Variants in RNGTT observed in about 807,000 individuals in gnomAD.
RNGTT encodes mRNA-capping enzyme.
A neutral mutation model predicts 79.3 loss-of-function variants in RNGTT; 33 were observed. The observed-to-expected ratio is 0.42, with a 90% CI of 0.32 to 0.56. The LOEUF (loss-of-function observed/expected upper bound fraction) is 0.56, where lower values mean the gene tolerates loss of function less well. Among genes scored for constraint, RNGTT ranks in the 20% least tolerant of loss-of-function variants. RNGTT has a pLI of 0.17. For synonymous variants in RNGTT, 222 were observed against 235.9 expected (o/e 0.94, Z 0.54); for missense variants, 497 against 739.1 (o/e 0.67, Z 3.80).
intron 14 of RNGTT, among the ~76,000 whole-genome samples, chr6:88,629,766 T>C (rs1390540830): frequency 6.6e-6 from 1 of 152,180 alleles, no homozygotes; most frequent in Non-Finnish European, 1.5e-5. Flanking sequence ...AAATTAAGTC[T>C]GAGGATAATT....
rs563468955 is a variant in RNGTT, at chr6:88,875,486, A to G, written c.896+15009T>C. On this transcript the variant is annotated intron_variant, in intron 8 of 15. Transcript: ENST00000369485. ...AATTCATCTATTAGCATAAAACAGT[A>G]AAAATAACTATCAAAATATTGAAAA... Among the ~76,000 whole-genome samples the G allele has an allele frequency of 7.9e-5, 12 of 152,278 alleles. 1 individual carries two copies. In the South Asian group the frequency reaches 2.1e-3, roughly 26 times the overall value.
chr6:88,755,057 G>A (rs74463143), intron 13 of RNGTT, among the ~76,000 whole-genome samples: 2 of 152,172 alleles, frequency 1.3e-5, no homozygotes, highest in Non-Finnish European at 2.9e-5. Flanking sequence ...CTCCATGACC[G>A]AGCTGGTCTT....
intron 13 of RNGTT, among the ~76,000 whole-genome samples, chr6:88,735,508 G>T (rs1048414676): frequency 6.7e-6 from 1 of 148,184 alleles, no homozygotes; most frequent in Non-Finnish European, 1.5e-5. Context: ...ACAGAAAGAC[G>T]CTGGAAAATC....
intron 11 of RNGTT, among the ~76,000 whole-genome samples, chr6:88,837,091 T>C (rs576981820): frequency 4.6e-5 from 7 of 152,310 alleles, no homozygotes; most frequent in Middle Eastern, 3.4e-3. Context: ...GTAATTCCAA[T>C]GTTTTTATTA....
intron 8 of RNGTT, among the ~76,000 whole-genome samples, chr6:88,863,471 T>C (rs1489740570): frequency 6.6e-6 from 1 of 152,172 alleles, no homozygotes; most frequent in East Asian, 1.9e-4. Flanking sequence ...CAAGTAAATT[T>C]TGAAGACGTA....
At chr6:88,783,435 G>A (rs1276233960) in intron 12 of RNGTT, among the ~76,000 whole-genome samples, 1 of 152,020 alleles carries the variant, frequency 6.6e-6, no homozygotes, top group African/African-American at 2.4e-5. Context: ...AAAAATGGCA[G>A]GTAGACAGAG....
chr6:88,720,155 T>C (rs949031183), intron 13 of RNGTT, among the ~76,000 whole-genome samples: 1 of 152,204 alleles, frequency 6.6e-6, no homozygotes, highest in Non-Finnish European at 1.5e-5. Context: ...TAATATTTAA[T>C]GGTGCCATTA....
intron 11 of RNGTT, among the ~76,000 whole-genome samples, chr6:88,833,878 C>T (rs1213047231): frequency 6.6e-6 from 1 of 151,940 alleles, no homozygotes; most frequent in Non-Finnish European, 1.5e-5. Context: ...AAAAATTAGC[C>T]GGGTGTGGTG....
rs1047139033 is a variant in RNGTT at position 88,610,306 on chromosome 6, T to G, written c.*2413A>C. ...TCAGTAGTTTTATTACAATACGCAC[T>G]GACACACAATTGGAAAAGGAATGTC... is the stretch of plus-strand genomic sequence containing the variant. On this transcript the variant is annotated 3_prime_UTR_variant, in exon 16 of 16. Coordinates refer to ENST00000369485, the MANE Select transcript of RNGTT (RefSeq NM_003800.5). 6.6e-6 allele frequency: 1 copy of G among 152,662 alleles called. No homozygotes were observed. Among genetic ancestry groups the G allele is most frequent in the African/African-American group, 2.4e-5 (1 of 41,466 alleles). The allele number at this position is 152,662 out of a possible 1,614,324, so 9.5% of individuals were successfully genotyped here.
intron 9 of RNGTT, among the ~76,000 whole-genome samples, chr6:88,850,530 C>T (rs1037831374): frequency 6.6e-6 from 1 of 151,792 alleles, no homozygotes; most frequent in African/African-American, 2.4e-5. Context: ...CATATTCTTA[C>T]TAGGAAACCA....
intron 12 of RNGTT, among the ~76,000 whole-genome samples, chr6:88,799,499 T>A (rs147779522): frequency 1.3e-5 from 2 of 151,820 alleles, no homozygotes; most frequent in Admixed American, 6.6e-5. Context: ...AGGAGTTCAA[T>A]ACCAGCCTGG....
At chr6:88,654,025 T>C (rs776055736) in intron 14 of RNGTT, among the ~76,000 whole-genome samples, 9 of 152,220 alleles carry the variant, frequency 5.9e-5, no homozygotes, top group Non-Finnish European at 1.3e-4. Context: ...CTTTTAGAAC[T>C]TTTATCTACA....
chr6:88,733,427 T>C (rs191738704), intron 13 of RNGTT, among the ~76,000 whole-genome samples: 19 of 102,602 alleles, frequency 1.9e-4, no homozygotes, highest in Admixed American at 1.3e-3. Flanking sequence ...AAAAAAAGAA[T>C]AGCATATTCC....
chr6:88,826,799 A>AT (rs1243384941), intron 11 of RNGTT, among the ~76,000 whole-genome samples: 4,077 of 126,820 alleles, frequency 0.032, 164 homozygotes, highest in African/African-American at 0.082. Flanking sequence ...AAAAAAAAAA[A>AT]ATATATATAT....
intron 8 of RNGTT, among the ~76,000 whole-genome samples, chr6:88,877,016 G>GA (rs1395393026): frequency 1.3e-5 from 2 of 152,112 alleles, no homozygotes; most frequent in African/African-American, 2.4e-5. Flanking sequence ...CTATTTAAGG[G>GA]ACCTTTTTAT....
At chr6:88,740,017 A>G (rs1431495358) in intron 13 of RNGTT, among the ~76,000 whole-genome samples, 15 of 152,004 alleles carry the variant, frequency 9.9e-5, no homozygotes, top group Non-Finnish European at 4.4e-5. Context: ...GACACCAAAG[A>G]TATCATCCTA....
At chr6:88,645,213 GACAA>G (rs1773496630) in intron 14 of RNGTT, among the ~76,000 whole-genome samples, 2 of 152,234 alleles carry the variant, frequency 1.3e-5, no homozygotes, top group South Asian at 2.1e-4. Context: ...ACCAATAACA[GACAA>G]ACAGAGAGCC....
chr6:88,873,209 C>T (rs1037890154), intron 8 of RNGTT, among the ~76,000 whole-genome samples: 8 of 152,198 alleles, frequency 5.3e-5, no homozygotes, highest in Non-Finnish European at 1.5e-5. Context: ...AGCTTCCAAG[C>T]AGCTTCTCTG....
chr6:88,822,777 T>G (rs1278116975), intron 11 of RNGTT, among the ~76,000 whole-genome samples: 1 of 152,126 alleles, frequency 6.6e-6, no homozygotes, highest in Non-Finnish European at 1.5e-5. Flanking sequence ...AAACAGGTGA[T>G]CAACCAACAA....
Sources: allele counts gnomAD v4.1 joint callset (sites outside exome capture counted in the v4.1 genomes callset), GRCh38; gene constraint gnomAD v4.1.1; transcripts MANE v1.5; gene names NCBI Gene and HGNC (gene_info 2026-07-23, HGNC 2026-07-21).